GTF2B: variants seen among roughly 807,000 people sequenced by gnomAD.
The protein encoded by GTF2B is general transcription factor IIB, also known as transcription initiation factor IIB.
A neutral mutation model predicts 34.6 loss-of-function variants in GTF2B; 20 were observed. The ratio of observed to expected loss-of-function variants is 0.58; its 90% CI spans 0.41 to 0.84. The LOEUF (loss-of-function observed/expected upper bound fraction) is 0.84, where lower values mean the gene tolerates loss of function less well. Ranked by LOEUF, GTF2B falls within the 40% of genes least tolerant of loss-of-function variation. GTF2B has a pLI of 0.00. For synonymous variants in GTF2B, 142 were observed against 132.4 expected, an observed-to-expected ratio of 1.07 and a Z score of -0.50; for missense variants, 237 against 393.3, an observed-to-expected ratio of 0.60 and a Z score of 3.36.
At chr1:88,883,856 C>A (rs1673999821) in intron 2 of GTF2B, among the ~76,000 whole-genome samples, 1 of 152,114 alleles carries the variant, frequency 6.6e-6, no homozygotes, top group Non-Finnish European at 1.5e-5. Context: ...ACTAAGTCTT[C>A]TGCTCCACAT....
Position 88,857,332 on chromosome 1 carries a change from C to A in GTF2B, c.691G>T (p.Ala231Ser). The A allele has an allele frequency of 6.2e-7, 1 of 1,613,578 alleles. No individual in the cohort carries two copies. The highest frequency in any genetic ancestry group is 8.5e-7 in the Non-Finnish European group (1 of 1,179,534). ...NLCLPKQVQM[A>S]ATHIARKAVE... ...GCTTTACGGGCTATATGTGTAGCTGCCATCTGTACTTGTTTAGGAAGACAA... is the reference window on the plus strand; with the variant it reads ...GCTTTACGGGCTATATGTGTAGCTGACATCTGTACTTGTTTAGGAAGACAA... The change falls in exon 6 of 7, where the codon GCA becomes TCA. Residue 231 changes from alanine (A) to serine (S), a missense_variant. Ala to Ser is a moderately conservative substitution (Grantham distance 99). This residue lies in a region of GTF2B where 78 missense variants were observed against 116.6 expected (regional missense o/e 0.67). Transcript: ENST00000370500.
intron 2 of GTF2B, among the ~76,000 whole-genome samples, chr1:88,865,711 C>T (rs750157907): frequency 5.3e-5 from 8 of 151,714 alleles, no homozygotes; most frequent in Non-Finnish European, 8.8e-5. Context: ...AATAGCTGGG[C>T]GTGGTGGCAC....
intron 5 of GTF2B, among the ~76,000 whole-genome samples, chr1:88,859,387 A>G (rs1156841827): frequency 6.6e-6 from 1 of 152,216 alleles, no homozygotes; most frequent in African/African-American, 2.4e-5. Context: ...AAACAGCCTA[A>G]AAGAACATGC....
At chr1:88,885,767 A>C (rs1674053037) in intron 2 of GTF2B, among the ~76,000 whole-genome samples, 1 of 152,204 alleles carries the variant, frequency 6.6e-6, no homozygotes, top group Admixed American at 6.5e-5. Context: ...CAAACGAAGA[A>C]AAACTTTATA....
intron 2 of GTF2B, among the ~76,000 whole-genome samples, chr1:88,876,472 G>A (rs1673817902): frequency 6.6e-6 from 1 of 152,174 alleles, no homozygotes; most frequent in Non-Finnish European, 1.5e-5. Context: ...AGGAGTTCGA[G>A]ATCAGCCTGG....
At chr1:88,859,790 T>A (rs1673394192) in intron 5 of GTF2B, 92 bp downstream of exon 5, 4 of 1,099,706 alleles carry the variant, frequency 3.6e-6, no homozygotes, top group African/African-American at 3.1e-5. Context: ...GAGTCAAGAT[T>A]GCGCCACTGC....
chr1:88,868,210 C>T (rs1378534654), intron 2 of GTF2B, among the ~76,000 whole-genome samples: 1 of 152,222 alleles, frequency 6.6e-6, no homozygotes. Flanking sequence ...GGCAGCCATG[C>T]CTGGGTATAA....
At chr1:88,859,653 T>C (rs1673391979) in intron 5 of GTF2B, among the ~76,000 whole-genome samples, 1 of 152,126 alleles carries the variant, frequency 6.6e-6, no homozygotes, top group Non-Finnish European at 1.5e-5. Context: ...CTGGCCAACA[T>C]GGCGAAACCC....
intron 2 of GTF2B, among the ~76,000 whole-genome samples, chr1:88,866,528 C>A (rs763542093): frequency 8.5e-5 from 13 of 152,128 alleles, no homozygotes; most frequent in Non-Finnish European, 1.9e-4. Context: ...TCCACCTTAG[C>A]CTCCTGAGCA....
intron 2 of GTF2B, among the ~76,000 whole-genome samples, chr1:88,874,487 A>G (rs1247199749): frequency 7.4e-6 from 1 of 134,494 alleles, no homozygotes; most frequent in African/African-American, 2.8e-5. Context: ...CACCACACAC[A>G]GCTAATTAAA....
At chr1:88,862,783 G>A (rs1673469439) in intron 3 of GTF2B, among the ~76,000 whole-genome samples, 1 of 151,866 alleles carries the variant, frequency 6.6e-6, no homozygotes, top group Non-Finnish European at 1.5e-5. Context: ...GATTACAGGT[G>A]CCCACCATCA....
intron 2 of GTF2B, among the ~76,000 whole-genome samples, chr1:88,884,020 T>C (rs1038748056): frequency 6.9e-5 from 10 of 145,064 alleles, no homozygotes; most frequent in Non-Finnish European, 1.3e-4. Flanking sequence ...AGCTCAGCAC[T>C]GACTTTTTTT....
intron 2 of GTF2B, among the ~76,000 whole-genome samples, chr1:88,864,715 C>T (rs1265946945): frequency 6.6e-6 from 1 of 152,182 alleles, no homozygotes; most frequent in Non-Finnish European, 1.5e-5. Flanking sequence ...TATATCATGT[C>T]CAATAAAAGC....
intron 2 of GTF2B, among the ~76,000 whole-genome samples, chr1:88,880,028 C>G (rs1400686140): frequency 6.6e-6 from 1 of 151,792 alleles, no homozygotes; most frequent in African/African-American, 2.4e-5. Context: ...CACTGCACTC[C>G]AGCCTGGGCG....
intron 2 of GTF2B, among the ~76,000 whole-genome samples, chr1:88,878,713 T>C (rs1034429493): frequency 6.6e-6 from 1 of 152,256 alleles, no homozygotes; most frequent in Non-Finnish European, 1.5e-5. Context: ...GAAGTGATCC[T>C]GTGCCAGTTC....
In GTF2B at chr1:88,887,322, C is replaced by A. The variant is rs765198986; in HGVS notation, c.63G>T (p.Ala21=). 1 of 1,613,176 alleles carries A rather than the reference C, an allele frequency of 6.2e-7. No homozygotes were observed. The highest frequency in any genetic ancestry group is 1.1e-5 in the South Asian group (1 of 91,056). The part of the protein sequence containing the change: ...PRVTCPNHPD[A]ILVEDYRAGD... ...CGGCTCTGTAGTCCTCCACTAAAAT[C>A]GCATCTGGATGGTTTGGACATGTGA... is the stretch of plus-strand genomic sequence containing the variant. Residue 21 remains alanine (A), a synonymous_variant, in exon 2 of 7, where the codon GCG becomes GCT. Transcript: ENST00000370500.
chr1:88,881,833 C>G (rs1224278455), intron 2 of GTF2B, among the ~76,000 whole-genome samples: 2 of 152,064 alleles, frequency 1.3e-5, no homozygotes, highest in Non-Finnish European at 2.9e-5. Flanking sequence ...ACAAAATTAA[C>G]TTCCTTTGGT....
intron 3 of GTF2B, 118 bp downstream of exon 3, chr1:88,863,863 T>A (rs777277040): frequency 1.2e-6 from 1 of 824,864 alleles, no homozygotes. Flanking sequence ...CTGGCAAATC[T>A]TATTAGACAG....
At chr1:88,876,068 A>G (rs1247114931) in intron 2 of GTF2B, among the ~76,000 whole-genome samples, 1 of 19,726 alleles carries the variant, frequency 5.1e-5, no homozygotes, top group Admixed American at 7.9e-4. Flanking sequence ...ACCCAAATTA[A>G]AAGCTGTATT....
Sources: gnomAD v4.1 joint callset for allele counts (sites outside exome capture counted in the v4.1 genomes callset) on GRCh38, gnomAD v4.1.1 for gene constraint, gnomAD v4.1.1 regional missense constraint, MANE v1.5 for transcripts, NCBI Gene and HGNC (gene_info 2026-07-23, HGNC 2026-07-21) for gene names.